Variants in CNOT6L observed in about 807,000 individuals in gnomAD.
The protein encoded by CNOT6L is CCR4-NOT transcription complex subunit 6-like.
Under a neutral mutation model 64.0 loss-of-function variants are expected in CNOT6L, and 7 were observed. The ratio of observed to expected loss-of-function variants is 0.11; its 90% CI spans 0.06 to 0.21. CNOT6L has a LOEUF of 0.21. Ranked by LOEUF, CNOT6L falls within the 10% of genes least tolerant of loss-of-function variation. The pLI is 1.00. For missense variants in CNOT6L, 245 were observed against 669.0 expected (o/e 0.37, Z 6.99); for synonymous variants, 193 against 243.4 (o/e 0.79, Z 1.93).
chr4:77,751,614 G>C (rs997495909), intron 5 of CNOT6L, among the ~76,000 whole-genome samples: 3 of 152,080 alleles, frequency 2.0e-5, no homozygotes, highest in African/African-American at 4.8e-5. Flanking sequence ...CTAAACTTCT[G>C]AAAACTAAAG....
At chr4:77,766,272 A>G (rs2110032829) in intron 4 of CNOT6L, among the ~76,000 whole-genome samples, 1 of 152,314 alleles carries the variant, frequency 6.6e-6, no homozygotes, top group East Asian at 1.9e-4. Flanking sequence ...GAAAAATAAT[A>G]TAATCATCTC....
chr4:77,766,376 A>G (rs989876544), intron 4 of CNOT6L, among the ~76,000 whole-genome samples: 1 of 152,162 alleles, frequency 6.6e-6, no homozygotes, highest in Non-Finnish European at 1.5e-5. Context: ...TTTTTTAACA[A>G]AAACATACAG....
intron 11 of CNOT6L, among the ~76,000 whole-genome samples, chr4:77,724,237 C>G (rs1303052664): frequency 6.6e-6 from 1 of 151,336 alleles, no homozygotes; most frequent in East Asian, 1.9e-4. Context: ...GTAGTCCCAG[C>G]TACTCAACAG....
In CNOT6L at chr4:77,793,573, C is replaced by T. The variant is rs116136890; in HGVS notation, c.6-17181G>A. Reference sequence around the variant, plus strand: ...AGAGACTACATCATGCTGCCCCCGTCTCTTATGATGGACTTGGAAAACTCT... The same window carrying T: ...AGAGACTACATCATGCTGCCCCCGTTTCTTATGATGGACTTGGAAAACTCT... On this transcript the variant is annotated intron_variant, in intron 1 of 11. Coordinates refer to ENST00000504123, the MANE Select transcript of CNOT6L (RefSeq NM_144571.3). 9.8e-3 allele frequency among the ~76,000 whole-genome samples: 1,491 copies of T among 152,248 alleles called. 14 individuals are homozygous for T. The highest frequency in any genetic ancestry group is 0.013 in the Non-Finnish European group (883 of 68,018).
intron 1 of CNOT6L, among the ~76,000 whole-genome samples, chr4:77,804,531 T>C (rs1207623140): frequency 2.6e-5 from 4 of 151,952 alleles, no homozygotes; most frequent in Non-Finnish European, 5.9e-5. Flanking sequence ...TATTATATGA[T>C]TCTACTTATA....
At chr4:77,742,840 A>G (rs140227991) in intron 7 of CNOT6L, among the ~76,000 whole-genome samples, 124 of 152,290 alleles carry the variant, frequency 8.1e-4, no homozygotes, top group Non-Finnish European at 1.5e-3. Flanking sequence ...TTATTAGTCT[A>G]TTTTATTCTT....
intron 1 of CNOT6L, among the ~76,000 whole-genome samples, chr4:77,790,806 G>T (rs988446435): frequency 6.8e-6 from 1 of 146,404 alleles, no homozygotes; most frequent in Non-Finnish European, 1.5e-5. Context: ...CCACCACTGC[G>T]CCTGGCTGAT....
At position 77,720,647 on chromosome 4, in the gene CNOT6L, GA is replaced by G. The variant is rs759170932; in HGVS notation, c.1456-5del. 1 of 1,612,914 alleles carries G rather than the reference GA, an allele frequency of 6.2e-7. No individual in the cohort carries two copies. The highest frequency in any genetic ancestry group is 2.2e-5 in the East Asian group (1 of 44,872). On this transcript the variant is annotated splice_polypyrimidine_tract_variant and splice_region_variant and intron_variant, in intron 11 of 11. Transcript: ENST00000504123. ...AGAAAATGTAGTCAATCACGCCCTG[GA>G]AAGAGATTGGGAATAGGAAAAAAAG...
chr4:77,801,701 G>GGGGGGGGGA (rs10663911), intron 1 of CNOT6L, among the ~76,000 whole-genome samples: 1 of 97,174 alleles, frequency 1.0e-5, no homozygotes, highest in African/African-American at 4.0e-5. Flanking sequence ...GGGGGGGGGG[G>GGGGGGGGGA]AGAATGAAAC....
intron 5 of CNOT6L, among the ~76,000 whole-genome samples, chr4:77,749,714 T>C (rs1577945527): frequency 6.6e-6 from 1 of 152,348 alleles, no homozygotes; most frequent in East Asian, 1.9e-4. Context: ...AGATGGCATA[T>C]TTGTTACCCA....
In CNOT6L at chr4:77,714,043, A is replaced by G. The variant is rs577739960; in HGVS notation, c.*6388T>C. 2 of 152,756 alleles carry G rather than the reference A, an allele frequency of 1.3e-5. No homozygotes were observed. Among genetic ancestry groups the G allele is most frequent in the East Asian group, 1.9e-4 (1 of 5,182 alleles). 9.5% of individuals were successfully genotyped at this position (152,756 alleles called of 1,614,324 possible). ...CAAAAGCAAAGTAAATATACAACCT[A>G]AAACAGCAGAATTTGTTTTGGAATA... On this transcript the variant is annotated 3_prime_UTR_variant, in exon 12 of 12. Coordinates refer to ENST00000504123, the MANE Select transcript of CNOT6L (RefSeq NM_144571.3).
At chr4:77,747,670 C>CATTTACATTATA (rs879889393) in intron 6 of CNOT6L, among the ~76,000 whole-genome samples, 19 of 152,168 alleles carry the variant, frequency 1.2e-4, no homozygotes, top group Non-Finnish European at 2.4e-4. Flanking sequence ...TATGAAGAAG[C>CATTTACATTATA]TTTATAAATG....
chr4:77,801,609 T>C (rs540873518), intron 1 of CNOT6L, among the ~76,000 whole-genome samples: 1 of 143,322 alleles, frequency 7.0e-6, no homozygotes, highest in East Asian at 2.2e-4. Context: ...TGTCTATTAT[T>C]ACTCCACTTG....
chr4:77,748,187 C>A, intron 6 of CNOT6L, 129 bp downstream of exon 6: 1 of 699,880 alleles, frequency 1.4e-6, no homozygotes, highest in Non-Finnish European at 2.5e-6. Flanking sequence ...AAAAGTCTAT[C>A]CATCAGTATT....
At position 77,748,327 on chromosome 4, in the gene CNOT6L, A is replaced by T. The variant is rs1317427763; in HGVS notation, c.548T>A (p.Ile183Asn). The T allele has an allele frequency of 1.2e-6, 2 of 1,609,440 alleles. No homozygotes were observed. The highest frequency in any genetic ancestry group is 1.7e-6 in the Non-Finnish European group (2 of 1,176,350). The change falls in exon 6 of 12, where the codon ATT becomes AAT. Residue 183 changes from isoleucine to asparagine, a missense_variant. This residue lies in a region of CNOT6L where 94 missense variants were observed against 290.9 expected (regional missense o/e 0.32). Transcript: ENST00000504123. ...PWITLKERDQILPSASFTVMC... is the reference protein window; with the variant it reads ...PWITLKERDQNLPSASFTVMC... ...GAAAAACTATTTACCTGACGGCAGA[A>T]TTTGGTCTCGTTCTTTTAATGTAAT...
chr4:77,719,445 A>G lies in CNOT6L; in HGVS notation c.*986T>C, dbSNP rs1383921798. ...ATAATCTATGTTGGAAACACATAAAATATCTGTATGATTTTCCCCATCTGA... is the reference window on the plus strand; with the variant it reads ...ATAATCTATGTTGGAAACACATAAAGTATCTGTATGATTTTCCCCATCTGA... On this transcript the variant is annotated 3_prime_UTR_variant, in exon 12 of 12. Coordinates refer to ENST00000504123, the MANE Select transcript of CNOT6L (RefSeq NM_144571.3). 1 of 152,586 alleles carries G rather than the reference A, an allele frequency of 6.6e-6. No homozygotes were observed. The highest frequency in any genetic ancestry group is 2.4e-5 in the African/African-American group (1 of 41,440). The allele number at this position is 152,586 out of a possible 1,614,324, so 9.5% of individuals were successfully genotyped here. A position where few individuals can be genotyped will look rare whatever the true frequency, so the allele number is the denominator to read the frequency against.
chr4:77,729,232 T>C (rs1397388641), intron 9 of CNOT6L, among the ~76,000 whole-genome samples, 151 bp from the exon 10 acceptor site: 1 of 152,232 alleles, frequency 6.6e-6, no homozygotes, highest in Non-Finnish European at 1.5e-5. Context: ...AAGTAATTCT[T>C]AGAAGCTAAA....
intron 1 of CNOT6L, among the ~76,000 whole-genome samples, chr4:77,807,025 C>T (rs946365465): frequency 1.3e-5 from 2 of 152,050 alleles, no homozygotes; most frequent in Admixed American, 1.3e-4. Flanking sequence ...ATCATCTATG[C>T]CCTTAAAAAC....
Position 77,760,860 on chromosome 4 carries a change from C to CTT in CNOT6L, c.401-3911_401-3910dup, listed in dbSNP as rs754195745. On this transcript the variant is annotated intron_variant, in intron 4 of 11. Transcript: ENST00000504123. The stretch of plus-strand genomic sequence containing the variant: ...TACAGGTGCACACCACCATGCCTGG[C>CTT]TTTTTTTTTTTTTTTTTTTTTTTTT... Among the ~76,000 whole-genome samples the CTT allele has an allele frequency of 1.0e-3, 31 of 29,982 alleles. 2 individuals are homozygous for CTT. Among genetic ancestry groups the CTT allele is most frequent in the Admixed American group, 3.9e-3 (6 of 1,538 alleles). 19.7% of individuals were successfully genotyped at this position (29,982 alleles called of 152,430 possible).
Sources: allele counts gnomAD v4.1 joint callset (sites outside exome capture counted in the v4.1 genomes callset), GRCh38; gene constraint gnomAD v4.1.1; regional missense constraint gnomAD v4.1.1; transcripts MANE v1.5; gene names NCBI Gene and HGNC (gene_info 2026-07-23, HGNC 2026-07-21).